Variants in MAP2K6 observed in about 807,000 individuals in gnomAD.
MAP2K6 encodes the protein dual specificity mitogen-activated protein kinase kinase 6.
In MAP2K6, 16 loss-of-function variants were observed where a neutral mutation model predicts 53.7. The observed-to-expected ratio is 0.30, with a 90% confidence interval of 0.20 to 0.45. MAP2K6 has a LOEUF of 0.45. Ranked by LOEUF, MAP2K6 falls within the 20% of genes least tolerant of loss-of-function variation. The probability of loss-of-function intolerance (pLI) is 1.00; values close to 1 mark genes in which losing one functional copy is unlikely to be tolerated. For missense variants in MAP2K6, 204 were observed against 411.9 expected (o/e 0.50, Z 4.37); for synonymous variants, 132 against 143.1 (o/e 0.92, Z 0.55).
At chr17:69,462,825 T>G (rs1907663837) in intron 1 of MAP2K6, among the ~76,000 whole-genome samples, 1 of 152,040 alleles carries the variant, frequency 6.6e-6, no homozygotes, top group Non-Finnish European at 1.5e-5. Flanking sequence ...CCGGGCATGG[T>G]GGCTCATGCC....
chr17:69,516,195 C>T (rs930915712), intron 2 of MAP2K6, among the ~76,000 whole-genome samples: 7 of 151,926 alleles, frequency 4.6e-5, no homozygotes, highest in African/African-American at 1.7e-4. Context: ...CAATGGGAGC[C>T]TTGAGCTTGT....
intron 1 of MAP2K6, among the ~76,000 whole-genome samples, chr17:69,475,420 G>T (rs1447510475): frequency 6.6e-6 from 1 of 151,976 alleles, no homozygotes; most frequent in Admixed American, 6.6e-5. Flanking sequence ...CGCCCGTCTC[G>T]GCCTCCCAAA....
At chr17:69,464,208 C>T (rs962824608) in intron 1 of MAP2K6, among the ~76,000 whole-genome samples, 1 of 151,072 alleles carries the variant, frequency 6.6e-6, no homozygotes, top group African/African-American at 2.4e-5. Flanking sequence ...CCTCAGCCTC[C>T]CGAGTAGCTG....
chr17:69,545,645 T>A lies in MAP2K6; in HGVS notation c.*3892T>A, dbSNP rs1911848290. On this transcript the variant is annotated 3_prime_UTR_variant, in exon 12 of 12. Transcript: ENST00000590474. The stretch of plus-strand genomic sequence containing the variant: ...TCAAAATATATACTTAATAGTTCAG[T>A]GTTTTAAGTAATTAGGTCCCAACAG... 6.6e-6 allele frequency: 1 copy of A among 152,222 alleles called. No individual in the cohort carries two copies. Among genetic ancestry groups the A allele is most frequent in the South Asian group, 2.1e-4 (1 of 4,836 alleles). The allele number at this position is 152,222 out of a possible 1,614,324, so 9.4% of individuals were successfully genotyped here. A position where few individuals can be genotyped will look rare whatever the true frequency, so the allele number is the denominator to read the frequency against.
chr17:69,444,140 C>A (rs1906900920), intron 1 of MAP2K6, among the ~76,000 whole-genome samples: 1 of 152,188 alleles, frequency 6.6e-6, no homozygotes, highest in African/African-American at 2.4e-5. Context: ...ATGATCTAAT[C>A]TCCTAGGTTT....
At chr17:69,526,884 A>G (rs2521359) in intron 10 of MAP2K6, among the ~76,000 whole-genome samples, 175 bp downstream of exon 10, 63,777 of 151,954 alleles carry the variant, frequency 0.42, 13,478 homozygotes, top group East Asian at 0.48. Context: ...GCCCTCACTG[A>G]GCCCAAAGTC....
intron 2 of MAP2K6, among the ~76,000 whole-genome samples, chr17:69,510,361 T>C (rs2145233701): frequency 6.6e-6 from 1 of 152,274 alleles, no homozygotes; most frequent in East Asian, 1.9e-4. Context: ...TGCTAAAATT[T>C]TGTTGAGGAT....
intron 1 of MAP2K6, among the ~76,000 whole-genome samples, chr17:69,448,813 C>G (rs1907070850): frequency 6.6e-6 from 1 of 152,196 alleles, no homozygotes; most frequent in African/African-American, 2.4e-5. Context: ...GTTGCCTTTC[C>G]TTTTTCGCCT....
chr17:69,473,400 A>G (rs1908043932), intron 1 of MAP2K6, among the ~76,000 whole-genome samples: 1 of 152,200 alleles, frequency 6.6e-6, no homozygotes, highest in Admixed American at 6.5e-5. Flanking sequence ...ATATCTATGC[A>G]AGCATATATA....
chr17:69,423,274 A>G (rs952203913), intron 1 of MAP2K6, among the ~76,000 whole-genome samples: 1 of 152,210 alleles, frequency 6.6e-6, no homozygotes, highest in Non-Finnish European at 1.5e-5. Flanking sequence ...ATGTTTCATG[A>G]CACATGAAAA....
At chr17:69,444,891 A>T (rs561623535) in intron 1 of MAP2K6, among the ~76,000 whole-genome samples, 1 of 152,188 alleles carries the variant, frequency 6.6e-6, no homozygotes, top group Non-Finnish European at 1.5e-5. Flanking sequence ...CTGGAGACTT[A>T]CTGGAAATCC....
At chr17:69,426,482 A>G (rs528490536) in intron 1 of MAP2K6, among the ~76,000 whole-genome samples, 1 of 152,342 alleles carries the variant, frequency 6.6e-6, no homozygotes, top group Non-Finnish European at 1.5e-5. Context: ...CTCTCTCTAT[A>G]AACATACATT....
chr17:69,475,567 C>T (rs979970633), intron 1 of MAP2K6, among the ~76,000 whole-genome samples: 1 of 152,216 alleles, frequency 6.6e-6, no homozygotes, highest in South Asian at 2.1e-4. Context: ...CACGTGTGTA[C>T]ACACAAAGAA....
intron 11 of MAP2K6, among the ~76,000 whole-genome samples, chr17:69,537,968 G>A (rs1174372424): frequency 6.6e-6 from 1 of 152,104 alleles, no homozygotes; most frequent in Non-Finnish European, 1.5e-5. Flanking sequence ...ATAAAATACA[G>A]TAGATATACA....
intron 6 of MAP2K6, 96 bp downstream of exon 6, chr17:69,520,482 C>A: frequency 1.4e-6 from 1 of 713,162 alleles, no homozygotes; most frequent in Admixed American, 2.5e-5. Flanking sequence ...ACCTGGGCCA[C>A]AGCTACTATT....
chr17:69,426,053 T>TTTTG (rs775630097), intron 1 of MAP2K6, among the ~76,000 whole-genome samples: 1 of 152,126 alleles, frequency 6.6e-6, no homozygotes, highest in African/African-American at 2.4e-5. Context: ...CAACAAAGGT[T>TTTTG]TTTGTTTGTT....
In MAP2K6 at chr17:69,551,382, A is replaced by C. The variant is rs1456697087; in HGVS notation, c.*9629A>C. On this transcript the variant is annotated 3_prime_UTR_variant, in exon 12 of 12. Coordinates refer to ENST00000590474, the MANE Select transcript of MAP2K6 (RefSeq NM_002758.4). Reference sequence around the variant, plus strand: ...TGGAAGCTATGGTGGTGTATCTGTCATGAACTGCACACAAGGGAATGCTTA... The same window carrying C: ...TGGAAGCTATGGTGGTGTATCTGTCCTGAACTGCACACAAGGGAATGCTTA... 6.6e-6 allele frequency: 1 copy of C among 152,244 alleles called. No individual in the cohort carries two copies. The highest frequency in any genetic ancestry group is 2.4e-5 in the African/African-American group (1 of 41,448). The allele number at this position is 152,244 out of a possible 1,614,324, so 9.4% of individuals were successfully genotyped here.
chr17:69,458,292 A>T (rs1907491686), intron 1 of MAP2K6, among the ~76,000 whole-genome samples: 2 of 152,256 alleles, frequency 1.3e-5, no homozygotes. Context: ...TCCTCAAGTG[A>T]TCTGCCTGTC....
chr17:69,537,053 G>C (rs1287793141), intron 11 of MAP2K6, among the ~76,000 whole-genome samples: 1 of 152,206 alleles, frequency 6.6e-6, no homozygotes, highest in East Asian at 1.9e-4. Flanking sequence ...CTGAATTCCA[G>C]CCTGGGCAAC....
Sources: gnomAD v4.1 joint callset for allele counts (sites outside exome capture counted in the v4.1 genomes callset) on GRCh38, gnomAD v4.1.1 for gene constraint, MANE v1.5 for transcripts, NCBI Gene and HGNC (gene_info 2026-07-23, HGNC 2026-07-21) for gene names.